The following FBXW11 variants were observed in gnomAD, a reference collection of about 807,000 sequenced individuals.
FBXW11 encodes the protein F-box and WD repeat domain containing 11.
Under a neutral mutation model 77.6 loss-of-function variants are expected in FBXW11, and 19 were observed. The ratio of observed to expected loss-of-function variants is 0.24; its 90% CI spans 0.17 to 0.36. The LOEUF (loss-of-function observed/expected upper bound fraction) is 0.36. Ranked by LOEUF, FBXW11 falls within the 10% of genes least tolerant of loss-of-function variation. The probability of loss-of-function intolerance (pLI) is 1.00; values close to 1 mark genes in which losing one functional copy is unlikely to be tolerated. For missense variants in FBXW11, 334 were observed against 704.2 expected, an observed-to-expected ratio of 0.47 and a Z score of 5.95; for synonymous variants, 235 against 249.4, an observed-to-expected ratio of 0.94 and a Z score of 0.54.
At chr5:171,951,528 C>T (rs537140702) in intron 2 of FBXW11, among the ~76,000 whole-genome samples, 6 of 151,252 alleles carry the variant, frequency 4.0e-5, no homozygotes, top group South Asian at 2.1e-4. Flanking sequence ...CAGAGCAAGA[C>T]CCAATCTCAA....
At chr5:171,989,217 T>C (rs1025341598) in intron 1 of FBXW11, among the ~76,000 whole-genome samples, 6 of 152,200 alleles carry the variant, frequency 3.9e-5, no homozygotes, top group African/African-American at 1.4e-4. Context: ...CAACCCCTAT[T>C]GTAATAACCG....
chr5:171,970,420 G>A (rs1764458475), intron 1 of FBXW11, among the ~76,000 whole-genome samples: 1 of 152,178 alleles, frequency 6.6e-6, no homozygotes, highest in Admixed American at 6.5e-5. Context: ...AGAACTGTGA[G>A]CCAATTAAAC....
intron 1 of FBXW11, among the ~76,000 whole-genome samples, chr5:171,985,377 C>T (rs1228965954): frequency 6.6e-6 from 1 of 152,174 alleles, no homozygotes; most frequent in Non-Finnish European, 1.5e-5. Flanking sequence ...GTAACCCCAA[C>T]AGCTCAGGAG....
At chr5:171,905,601 T>C (rs702111) in intron 4 of FBXW11, among the ~76,000 whole-genome samples, 70,188 of 101,884 alleles carry the variant, frequency 0.69, 24,285 homozygotes, top group Middle Eastern at 0.8. Flanking sequence ...CCCCCCCCCT[T>C]TATTTTCTTG....
chr5:171,957,467 T>C, intron 2 of FBXW11, 130 bp downstream of exon 2: 1 of 883,916 alleles, frequency 1.1e-6, no homozygotes, highest in Non-Finnish European at 1.8e-6. Flanking sequence ...GCACCCAGGC[T>C]GGAGGAAAGC....
intron 1 of FBXW11, among the ~76,000 whole-genome samples, chr5:171,960,535 A>G (rs1763854688): frequency 6.6e-6 from 1 of 152,266 alleles, no homozygotes; most frequent in Non-Finnish European, 1.5e-5. Context: ...CCATGAAAGC[A>G]TAAGGTATTG....
chr5:171,935,405 T>C (rs907391341), intron 2 of FBXW11, among the ~76,000 whole-genome samples: 4 of 152,088 alleles, frequency 2.6e-5, no homozygotes, highest in Non-Finnish European at 1.5e-5. Context: ...AATAAAGCTG[T>C]TATTTAAAAA....
At position 171,904,720 on chromosome 5, in the gene FBXW11, C is replaced by T. The variant is rs1331792469; in HGVS notation, c.437-4620G>A. Among the ~76,000 whole-genome samples the T allele has an allele frequency of 5.9e-5, 9 of 152,012 alleles. No homozygotes were observed. In the East Asian group the frequency reaches 1.5e-3, roughly 26 times the overall value. ...CCGAGTAGCTGGGACTACAGGCGCA[C>T]ACCACCATGCCCAGGTAATTTTTGT... On this transcript the variant is annotated intron_variant, in intron 4 of 13. Transcript: ENST00000517395. The surrounding 1 kb of genome is among the most constrained non-coding windows in gnomAD (Gnocchi z 4.0).
chr5:171,866,082 T>C (rs902111755), intron 13 of FBXW11, among the ~76,000 whole-genome samples: 3 of 152,086 alleles, frequency 2.0e-5, no homozygotes, highest in Non-Finnish European at 4.4e-5. Context: ...CTGGCCAACA[T>C]GGTGAAACCC....
At chr5:171,936,769 G>A (rs954129632) in intron 2 of FBXW11, among the ~76,000 whole-genome samples, 3 of 151,966 alleles carry the variant, frequency 2.0e-5, no homozygotes, top group African/African-American at 7.2e-5. Context: ...ATGATAACCT[G>A]TTTACACAGA....
chr5:171,875,878 C>T lies in FBXW11; in HGVS notation c.1221+407G>A, dbSNP rs1467267091. On this transcript the variant is annotated intron_variant, in intron 9 of 13. Transcript: ENST00000517395. ...GAATAAATAAAACATCTAAGCTCTGCCACTAACTAGCTGTGATGATCACCA... is the reference window on the plus strand; with the variant it reads ...GAATAAATAAAACATCTAAGCTCTGTCACTAACTAGCTGTGATGATCACCA... Among the ~76,000 whole-genome samples, 3 of 152,176 alleles carry T rather than the reference C, an allele frequency of 2.0e-5. No homozygotes were observed. The East Asian group carries it at 5.8e-4, about 29-fold the overall frequency.
chr5:172,005,921 GC>G lies in FBXW11; in HGVS notation c.45+536del, dbSNP rs201500668. Among the ~76,000 whole-genome samples the G allele has an allele frequency of 6.6e-5, 10 of 152,010 alleles. No homozygotes were observed. In the East Asian group the frequency reaches 1.7e-3, roughly 27 times the overall value. On this transcript the variant is annotated intron_variant, in intron 1 of 13. Transcript: ENST00000517395. ...ACAGCCTCAAACCCGAAAGCTCCCT[GC>G]CCCCCCAGCTCTGTAGGGCCTATCC...
In FBXW11 at chr5:171,878,553, A is replaced by AGTGTGTGTGTGT. The variant is rs34933781; in HGVS notation, c.853-425_853-424insACACACACACAC. On this transcript the variant is annotated intron_variant, in intron 7 of 13. Coordinates refer to ENST00000517395, the MANE Select transcript of FBXW11 (RefSeq NM_001378974.1). ...AACATACCAAGCCAATCTCCATAAG[A>AGTGTGTGTGTGT]GTGTGTGAGTGTGTGTGTGTGTGTG... 9.4e-3 allele frequency among the ~76,000 whole-genome samples: 992 copies of AGTGTGTGTGTGT among 105,430 alleles called. 29 individuals carry two copies. Among genetic ancestry groups the AGTGTGTGTGTGT allele is most frequent in the African/African-American group, 0.032 (875 of 27,524 alleles). The allele number at this position is 105,430 out of a possible 152,430, so 69.2% of individuals were successfully genotyped here.
At chr5:171,905,592 C>CCCT (rs1760441950) in intron 4 of FBXW11, among the ~76,000 whole-genome samples, 1 of 98,984 alleles carries the variant, frequency 1.0e-5, no homozygotes, top group Admixed American at 9.8e-5. Flanking sequence ...AAAGCTAACC[C>CCCT]CCCCCCCTTT....
chr5:171,893,437 A>AAC (rs1759513003), intron 6 of FBXW11, among the ~76,000 whole-genome samples: 1 of 146,894 alleles, frequency 6.8e-6, no homozygotes, highest in Non-Finnish European at 1.5e-5. Context: ...AAAAAAAAAA[A>AAC]AAAAAAAAAA....
At chr5:171,984,484 C>A (rs1459507593) in intron 1 of FBXW11, among the ~76,000 whole-genome samples, 1 of 152,158 alleles carries the variant, frequency 6.6e-6, no homozygotes, top group East Asian at 1.9e-4. Flanking sequence ...CATGTGTGGG[C>A]TGGAGGTAAT....
At chr5:171,906,808 C>T (rs949020065) in intron 4 of FBXW11, among the ~76,000 whole-genome samples, 1 of 152,188 alleles carries the variant, frequency 6.6e-6, no homozygotes, top group Non-Finnish European at 1.5e-5. Flanking sequence ...GCTGCTCTGG[C>T]CGTGTACCCA....
At chr5:171,999,152 T>C (rs1223561306) in intron 1 of FBXW11, among the ~76,000 whole-genome samples, 2 of 152,160 alleles carry the variant, frequency 1.3e-5, no homozygotes, top group Admixed American at 6.5e-5. Flanking sequence ...GTGGTATTAC[T>C]CCTAAGCCTA....
At chr5:171,902,865 G>C (rs919359824) in intron 4 of FBXW11, among the ~76,000 whole-genome samples, 1 of 152,116 alleles carries the variant, frequency 6.6e-6, no homozygotes, top group Non-Finnish European at 1.5e-5. Context: ...ACACAACTTT[G>C]CTAACCTTTG....
Sources: gnomAD v4.1 joint callset for allele counts (sites outside exome capture counted in the v4.1 genomes callset) on GRCh38, gnomAD v4.1.1 for gene constraint, Gnocchi (gnomAD v3.1) non-coding constraint, MANE v1.5 for transcripts, NCBI Gene and HGNC (gene_info 2026-07-23, HGNC 2026-07-21) for gene names.